The following TPH2 variants were observed in gnomAD, a reference collection of about 807,000 sequenced individuals.
TPH2 encodes tryptophan hydroxylase 2.
A neutral mutation model predicts 59.1 loss-of-function variants in TPH2; 27 were observed. The ratio of observed to expected loss-of-function variants is 0.46; its 90% CI spans 0.34 to 0.63. The LOEUF is 0.63. Among genes scored for constraint, TPH2 ranks in the 30% least tolerant of loss-of-function variants. The pLI, the probability that TPH2 is intolerant of heterozygous loss-of-function variation, is 0.01. For missense variants in TPH2, 523 were observed against 588.3 expected (o/e 0.89, Z 1.15); for synonymous variants, 220 against 210.5 (o/e 1.05, Z -0.39).
chr12:72,001,855 G>A (rs1198965561), intron 8 of TPH2, among the ~76,000 whole-genome samples: 1 of 151,860 alleles, frequency 6.6e-6, no homozygotes, highest in Non-Finnish European at 1.5e-5. Flanking sequence ...GATTCAGCTA[G>A]CTAAATTTTT....
chr12:71,976,317 A>G (rs1291179319), intron 6 of TPH2, among the ~76,000 whole-genome samples: 1 of 152,212 alleles, frequency 6.6e-6, no homozygotes, highest in Non-Finnish European at 1.5e-5. Context: ...GGTGAACTGG[A>G]TATATCGCCT....
rs1219783554 is a variant in TPH2 at position 71,975,959 on chromosome 12, A to G, written c.806-2993A>G. On this transcript the variant is annotated intron_variant, in intron 6 of 10. Coordinates refer to ENST00000333850, the MANE Select transcript of TPH2 (RefSeq NM_173353.4). ...TTTACTGCATTGTTCCCCAAACCCC[A>G]ATAGTTAGAATATCACCTCATAAAT... Among the ~76,000 whole-genome samples, 42 of 152,208 alleles carry G rather than the reference A, an allele frequency of 2.8e-4. 1 individual carries two copies. The highest frequency in any genetic ancestry group is 1.5e-5 in the Non-Finnish European group (1 of 68,036).
intron 7 of TPH2, among the ~76,000 whole-genome samples, chr12:71,993,862 C>G (rs1872633999): frequency 6.6e-6 from 1 of 152,176 alleles, no homozygotes; most frequent in South Asian, 2.1e-4. Context: ...TCCTCACTAT[C>G]TATAGCAAGA....
intron 8 of TPH2, among the ~76,000 whole-genome samples, chr12:72,019,239 T>C (rs1873345288): frequency 6.6e-6 from 1 of 152,228 alleles, no homozygotes; most frequent in South Asian, 2.1e-4. Flanking sequence ...TACTCTTGTG[T>C]GCCACTGCCA....
At chr12:71,985,740 G>T (rs930781946) in intron 7 of TPH2, among the ~76,000 whole-genome samples, 1 of 152,116 alleles carries the variant, frequency 6.6e-6, no homozygotes, top group East Asian at 1.9e-4. Context: ...ACCCTGATTT[G>T]CTAGAACCCT....
At chr12:71,946,145 G>C (rs1871191721) in intron 4 of TPH2, among the ~76,000 whole-genome samples, 1 of 152,090 alleles carries the variant, frequency 6.6e-6, no homozygotes, top group Admixed American at 6.6e-5. Context: ...TATGTAAAAA[G>C]TGGAAATAAA....
chr12:72,029,859 G>A (rs1187391531), intron 9 of TPH2, among the ~76,000 whole-genome samples: 1 of 152,130 alleles, frequency 6.6e-6, no homozygotes, highest in Admixed American at 6.6e-5. Context: ...TTCATGGAGG[G>A]CTGTAAATCA....
intron 5 of TPH2, among the ~76,000 whole-genome samples, chr12:71,953,291 A>G (rs774176540): frequency 2.8e-4 from 42 of 152,128 alleles, no homozygotes; most frequent in Non-Finnish European, 5.3e-4. Flanking sequence ...GACTTGTGGG[A>G]AGTAGAGCCA....
intron 9 of TPH2, among the ~76,000 whole-genome samples, chr12:72,023,605 G>A (rs541660258): frequency 1.3e-5 from 2 of 152,018 alleles, no homozygotes; most frequent in African/African-American, 2.4e-5. Context: ...TGAGGTGGGC[G>A]GATCACCTGA....
At chr12:71,983,783 G>C (rs1216996377) in intron 7 of TPH2, among the ~76,000 whole-genome samples, 2 of 142,342 alleles carry the variant, frequency 1.4e-5, no homozygotes, top group Non-Finnish European at 3.1e-5. Context: ...CACAGAGAGA[G>C]AGAGACAGAG....
At chr12:71,986,262 A>G (rs1435631362) in intron 7 of TPH2, among the ~76,000 whole-genome samples, 1 of 152,028 alleles carries the variant, frequency 6.6e-6, no homozygotes, top group African/African-American at 2.4e-5. Flanking sequence ...AAATAAGTCC[A>G]CCCTTACTCG....
In TPH2 at chr12:71,938,890, C is replaced by G; in HGVS notation, c.-97C>G. 2.9e-6 allele frequency: 3 copies of G among 1,023,538 alleles called. No individual in the cohort carries two copies. The highest frequency in any genetic ancestry group is 4.6e-6 in the Non-Finnish European group (3 of 650,968). The allele number at this position is 1,023,538 out of a possible 1,614,324, so 63.4% of individuals were successfully genotyped here. Reference sequence around the variant, plus strand: ...GGTTCTGGACAGCGCCCCAAGCAGGCAGCTGATCGCACGCCCCTTCCTCTC... The same window carrying G: ...GGTTCTGGACAGCGCCCCAAGCAGGGAGCTGATCGCACGCCCCTTCCTCTC... On this transcript the variant is annotated 5_prime_UTR_variant, in exon 1 of 11. Coordinates refer to ENST00000333850, the MANE Select transcript of TPH2 (RefSeq NM_173353.4).
At chr12:71,974,698 T>C (rs997093905) in intron 6 of TPH2, among the ~76,000 whole-genome samples, 2 of 152,202 alleles carry the variant, frequency 1.3e-5, no homozygotes, top group African/African-American at 4.8e-5. Context: ...TTACTTAGCC[T>C]ACCACAATCT....
rs552829879 is a variant in TPH2, at chr12:71,982,219, G to A, written c.941+3132G>A. 9.9e-5 allele frequency among the ~76,000 whole-genome samples: 15 copies of A among 151,640 alleles called. No individual in the cohort carries two copies. The East Asian group carries it at 2.5e-3, about 26-fold the overall frequency. On this transcript the variant is annotated intron_variant, in intron 7 of 10. Transcript: ENST00000333850. ...GGGGTTTTGCTATATTGGCCAGGCTGGTCTTGAACTCCTGACCTCAGGTGA... is the reference window on the plus strand; with the variant it reads ...GGGGTTTTGCTATATTGGCCAGGCTAGTCTTGAACTCCTGACCTCAGGTGA...
chr12:72,020,831 A>C (rs181271479), intron 8 of TPH2, among the ~76,000 whole-genome samples: 9 of 152,050 alleles, frequency 5.9e-5, no homozygotes, highest in Non-Finnish European at 8.8e-5. Context: ...TCAGGAAAAA[A>C]AATTTTACTT....
intron 9 of TPH2, among the ~76,000 whole-genome samples, chr12:72,028,976 C>T (rs1006296088): frequency 6.6e-6 from 1 of 152,164 alleles, no homozygotes; most frequent in Non-Finnish European, 1.5e-5. Context: ...TACTTTAATG[C>T]TTTTTAGCTG....
intron 9 of TPH2, among the ~76,000 whole-genome samples, chr12:72,029,311 G>C (rs1873654389): frequency 6.6e-6 from 1 of 152,208 alleles, no homozygotes; most frequent in Admixed American, 6.5e-5. Context: ...AGGGATGAGA[G>C]AGTAGGAAGA....
chr12:72,008,189 C>T (rs545911407), intron 8 of TPH2, among the ~76,000 whole-genome samples: 25 of 152,268 alleles, frequency 1.6e-4, no homozygotes, highest in African/African-American at 5.8e-4. Flanking sequence ...AGGCTTCTCT[C>T]AGCAGTCAAA....
intron 8 of TPH2, among the ~76,000 whole-genome samples, chr12:72,011,220 C>T (rs1873091375): frequency 6.6e-6 from 1 of 152,188 alleles, no homozygotes; most frequent in African/African-American, 2.4e-5. Context: ...AGATGTTGCA[C>T]TGAGGCTCAT....
Sources: allele counts gnomAD v4.1 joint callset (sites outside exome capture counted in the v4.1 genomes callset), GRCh38; gene constraint gnomAD v4.1.1; transcripts MANE v1.5; gene names NCBI Gene and HGNC (gene_info 2026-07-23, HGNC 2026-07-21).